The following TRIOBP variants were observed in gnomAD, a reference collection of about 807,000 sequenced individuals.
TRIOBP encodes the protein TRIO and F-actin-binding protein.
Under a neutral mutation model 238.8 loss-of-function variants are expected in TRIOBP, and 169 were observed. The ratio of observed to expected loss-of-function variants is 0.71; its 90% CI spans 0.62 to 0.80. The LOEUF is 0.80. TRIOBP is among the 30% of genes least tolerant of loss of function. The probability of loss-of-function intolerance (pLI) is 0.00; values close to 1 mark genes in which losing one functional copy is unlikely to be tolerated. For synonymous variants in TRIOBP, 1,150 were observed against 1,274.4 expected (o/e 0.90, Z 2.08); for missense variants, 2,838 against 3,122.6 (o/e 0.91, Z 2.17).
At position 37,735,355 on chromosome 22, in the gene TRIOBP, A is replaced by G; in HGVS notation, c.5019A>G (p.Pro1673=). ...CAAAGATCAAAGTGACAAGAGGACC[A>G]GCGACCGCAACTCTGGCAGGCCTGG... ...QWPKIKVTRG[P]ATATLAGLEQ... The change falls in exon 9 of 24, where the codon CCA becomes CCG. Residue 1673 remains proline, a synonymous_variant. Transcript: ENST00000644935. 6.2e-7 allele frequency: 1 copy of G among 1,612,892 alleles called. No homozygotes were observed. Among genetic ancestry groups the G allele is most frequent in the Non-Finnish European group, 8.5e-7 (1 of 1,179,688 alleles).
At chr22:37,747,307 G>A (rs993303806) in intron 11 of TRIOBP, among the ~76,000 whole-genome samples, 2 of 152,224 alleles carry the variant, frequency 1.3e-5, no homozygotes, top group Admixed American at 1.3e-4. Flanking sequence ...GGGAAGGGAG[G>A]GGTGGGGCTG....
intron 6 of TRIOBP, among the ~76,000 whole-genome samples, chr22:37,716,323 G>A (rs1354046093): frequency 2.6e-5 from 4 of 152,034 alleles, no homozygotes; most frequent in African/African-American, 9.7e-5. Flanking sequence ...TGTTAGCCCA[G>A]CTGGTCTCAA....
At chr22:37,714,477 T>C (rs961689365) in intron 5 of TRIOBP, among the ~76,000 whole-genome samples, 1 of 152,178 alleles carries the variant, frequency 6.6e-6, no homozygotes, top group Non-Finnish European at 1.5e-5. Context: ...GAGACCAGCC[T>C]GGCCAACATG....
intron 6 of TRIOBP, among the ~76,000 whole-genome samples, chr22:37,722,443 A>AAG (rs1923882232): frequency 7.1e-6 from 1 of 140,542 alleles, no homozygotes; most frequent in Admixed American, 7.2e-5. Context: ...AAAAAAAAAA[A>AAG]AGGTCGGGCA....
intron 2 of TRIOBP, among the ~76,000 whole-genome samples, 157 bp from the exon 3 acceptor site, chr22:37,701,149 T>G (rs1447838706): frequency 6.6e-6 from 1 of 152,128 alleles, no homozygotes; most frequent in Non-Finnish European, 1.5e-5. Flanking sequence ...GTTGAGTGAA[T>G]AAATGAACAG....
intron 9 of TRIOBP, among the ~76,000 whole-genome samples, chr22:37,736,446 C>T (rs537334336): frequency 3.1e-4 from 47 of 152,224 alleles, no homozygotes; most frequent in Admixed American, 1.3e-3. Flanking sequence ...CATCAGGGTG[C>T]ACCCCGTGCT....
intron 6 of TRIOBP, among the ~76,000 whole-genome samples, chr22:37,719,989 C>CACACTGCACTCACTGTTTCCCTCCT (rs367687004): frequency 1.4e-5 from 1 of 71,204 alleles, no homozygotes; most frequent in Non-Finnish European, 2.5e-5. Context: ...TTTCACTCAT[C>CACACTGCACTCACTGTTTCCCTCCT]CCCCCCCGCC....
chr22:37,701,070 A>G (rs1601614774), intron 2 of TRIOBP, among the ~76,000 whole-genome samples: 1 of 152,326 alleles, frequency 6.6e-6, no homozygotes, highest in East Asian at 1.9e-4. Flanking sequence ...ACACTGCAGT[A>G]AGGACTAGAA....
intron 15 of TRIOBP, among the ~76,000 whole-genome samples, chr22:37,756,671 TGCC>T (rs1313344852): frequency 2.0e-5 from 3 of 152,220 alleles, no homozygotes; most frequent in Admixed American, 6.5e-5. Flanking sequence ...GGGCTCGCTC[TGCC>T]GTTTCAGGGG....
rs1323310277 is a variant in TRIOBP at position 37,701,371 on chromosome 22, G to A, written c.6G>A (p.Glu2=). ...CCTGGCCTGACTCACCCAATATGGA[G>A]GAGGTGCCTGGGGATGCCCTGTGTG... M[E]EVPGDALCEH... Residue 2 remains glutamate, a synonymous_variant, in exon 3 of 24, where the codon GAG becomes GAA. Coordinates refer to ENST00000644935, the MANE Select transcript of TRIOBP (RefSeq NM_001039141.3). 2.5e-6 allele frequency: 4 copies of A among 1,612,760 alleles called. No homozygotes were observed. Among genetic ancestry groups the A allele is most frequent in the Non-Finnish European group, 3.4e-6 (4 of 1,179,446 alleles).
chr22:37,763,364 T>C (rs909349278), intron 17 of TRIOBP, among the ~76,000 whole-genome samples: 1 of 152,148 alleles, frequency 6.6e-6, no homozygotes, highest in African/African-American at 2.4e-5. Flanking sequence ...TCCAAAGTCA[T>C]GTTCTGTTGT....
intron 15 of TRIOBP, among the ~76,000 whole-genome samples, chr22:37,756,886 T>G (rs1925953359): frequency 6.6e-6 from 1 of 152,238 alleles, no homozygotes; most frequent in Non-Finnish European, 1.5e-5. Context: ...CAGCAGTGAC[T>G]GGGCATCCCC....
rs754303584 is a variant in TRIOBP at position 37,734,850 on chromosome 22, A to G, written c.4514A>G (p.Glu1505Gly). 6.2e-7 allele frequency: 1 copy of G among 1,612,694 alleles called. No homozygotes were observed. The highest frequency in any genetic ancestry group is 2.2e-5 in the East Asian group (1 of 44,874). The change falls in exon 9 of 24, where the codon GAA (glutamate) becomes GGA (glycine). Residue 1505 changes from glutamate to glycine, a missense_variant. By Grantham distance (98) the Glu-to-Gly change is moderately conservative. This residue lies in a region of TRIOBP where 2,096 missense variants were observed against 2,137.4 expected (regional missense o/e 0.98). Coordinates refer to ENST00000644935, the MANE Select transcript of TRIOBP (RefSeq NM_001039141.3). ...EEKPTHELPR[E>G]LGKRSPLTSP... ...AAGCCCACTCATGAGCTCCCCAGAG[A>G]ACTAGGAAAGAGAAGCCCACTCACG... is the stretch of plus-strand genomic sequence containing the variant.
chr22:37,767,797 G>C (rs1423107234), intron 18 of TRIOBP, among the ~76,000 whole-genome samples: 1 of 152,138 alleles, frequency 6.6e-6, no homozygotes, highest in Admixed American at 6.5e-5. Context: ...CCCCAGTAGG[G>C]TCCATCCAAC....
intron 3 of TRIOBP, among the ~76,000 whole-genome samples, chr22:37,705,910 GCTCTGATTTGCATTTTTCACAGTCA>G (rs1922921839): frequency 6.6e-6 from 1 of 152,092 alleles, no homozygotes; most frequent in Non-Finnish European, 1.5e-5. Context: ...GGAGTGACGT[GCTCTGATTTGCATTTTTCACAGTCA>G]CTCTGATTGC....
rs185108351 is a variant in TRIOBP at position 37,726,270 on chromosome 22, G to T, written c.3714G>T (p.Ala1238=). The T allele has an allele frequency of 6.2e-7, 1 of 1,612,876 alleles. No individual in the cohort carries two copies. The highest frequency in any genetic ancestry group is 2.2e-5 in the East Asian group (1 of 44,880). The stretch of plus-strand genomic sequence containing the variant: ...CCCGCCACCCACCCAGTGACCTAGC[G>T]TTCCTGGCACCCTCACCTTCACCGG... ...SPPRHPPSDL[A]FLAPSPSPGS... is the part of the protein sequence containing the mutation. The change falls in exon 7 of 24, where the codon GCG becomes GCT. Residue 1238 remains alanine, a synonymous_variant. Coordinates refer to ENST00000644935, the MANE Select transcript of TRIOBP (RefSeq NM_001039141.3).
rs1162546502 is a variant in TRIOBP, at chr22:37,726,074, CCTT to C, written c.3521_3523del (p.Phe1174del). 5.2e-5 allele frequency: 83 copies of C among 1,591,866 alleles called. No homozygotes were observed. The highest frequency in any genetic ancestry group is 6.4e-5 in the Non-Finnish European group (75 of 1,169,466). On this transcript the variant is annotated inframe_deletion, in exon 7 of 24. Transcript: ENST00000644935. ...TGCATTGGGCACCGGGATGCACCCT[CCTT>C]CTCATCCCCACCACGCCAGGCTCCT... is the stretch of plus-strand genomic sequence containing the variant.
intron 6 of TRIOBP, among the ~76,000 whole-genome samples, chr22:37,721,137 G>A (rs1222475960): frequency 2.0e-5 from 3 of 151,378 alleles, no homozygotes; most frequent in East Asian, 1.9e-4. Context: ...CCAAAGTGCT[G>A]GGATTACAGG....
chr22:37,762,219 A>G (rs1365454334), intron 17 of TRIOBP, among the ~76,000 whole-genome samples: 1 of 152,074 alleles, frequency 6.6e-6, no homozygotes, highest in Non-Finnish European at 1.5e-5. Flanking sequence ...CTACACCACC[A>G]TGCCTGGCTA....
Sources: allele counts gnomAD v4.1 joint callset (sites outside exome capture counted in the v4.1 genomes callset), GRCh38; gene constraint gnomAD v4.1.1; regional missense constraint gnomAD v4.1.1; transcripts MANE v1.5; gene names NCBI Gene and HGNC (gene_info 2026-07-23, HGNC 2026-07-21).